The following ZAN variants were observed in gnomAD, a reference collection of about 807,000 sequenced individuals.
ZAN encodes zonadhesin, also known as zonadhesin (gene/pseudogene).
Under a neutral mutation model 286.2 loss-of-function variants are expected in ZAN, and 260 were observed. The observed-to-expected ratio is 0.91, with a 90% CI of 0.82 to 1.01. ZAN has a LOEUF of 1.01. Among genes scored for constraint, ZAN ranks in the 50% least tolerant of loss-of-function variants. The pLI is 0.00. For missense variants in ZAN, 3,410 were observed against 3,639.2 expected (o/e 0.94, Z 1.62); for synonymous variants, 1,368 against 1,417.5 (o/e 0.97, Z 0.79).
rs1370316254 is a variant in ZAN at position 100,751,192 on chromosome 7, A to G, written c.1532A>G (p.Lys511Arg). The change falls in exon 13 of 48, where the codon AAG (lysine) becomes AGG (arginine). Residue 511 changes from lysine to arginine, a missense_variant. Coordinates refer to ENST00000613979, the MANE Select transcript of ZAN (RefSeq NM_003386.3). The stretch of plus-strand genomic sequence containing the variant: ...CCTTGTCGCCTTTAGCTTATTTTCA[A>G]GGGCATCCAGGGAAGCAACACGGCC... ...GHQQPMQLIFKGIQGSNTASV... is the reference protein window; with the variant it reads ...GHQQPMQLIFRGIQGSNTASV... 1.2e-6 allele frequency: 2 copies of G among 1,606,182 alleles called. No homozygotes were observed. The highest frequency in any genetic ancestry group is 2.2e-5 in the South Asian group (2 of 89,818).
intron 7 of ZAN, among the ~76,000 whole-genome samples, chr7:100,740,555 G>A (rs1584546661): frequency 5.7e-5 from 2 of 34,892 alleles, no homozygotes; most frequent in African/African-American, 1.4e-4. Context: ...ATCTTGCACC[G>A]CCCTTAATCC....
chr7:100,755,107 C>G, intron 14 of ZAN, 119 bp from the exon 15 acceptor site: 1 of 1,250,056 alleles, frequency 8.0e-7, no homozygotes, highest in East Asian at 2.4e-5. Flanking sequence ...CTTTTTATGG[C>G]TAAATAATAT....
intron 36 of ZAN, 136 bp downstream of exon 36, chr7:100,784,970 A>G: frequency 9.9e-7 from 1 of 1,014,954 alleles, no homozygotes; most frequent in Non-Finnish European, 1.4e-6. Flanking sequence ...TGTGAGTGGC[A>G]CATTGATCTC....
chr7:100,736,866 TG>T lies in ZAN; in HGVS notation c.312del (p.Leu105SerfsTer72). On this transcript the variant is annotated frameshift_variant, in exon 5 of 48. Transcript: ENST00000613979. LOFTEE classifies it high-confidence loss of function. ...TTCCACCGTGGGGGAGTGGCCCGCC[TG>T]CTCAGCCCCGACCTATGGGAGCAAG... Reference protein sequence around the residue: ...NSFHRGGVARLLSPDLWEQGP... With the variant: ...NSFHRGGVARXLSPDLWEQGP... 1 of 1,485,434 alleles carries T rather than the reference TG, an allele frequency of 6.7e-7. No homozygotes were observed. Among genetic ancestry groups the T allele is most frequent in the Non-Finnish European group, 9.2e-7 (1 of 1,088,446 alleles). 92.0% of individuals were successfully genotyped at this position (1,485,434 alleles called of 1,614,324 possible).
intron 3 of ZAN, 125 bp from the exon 4 acceptor site, chr7:100,736,358 C>G: frequency 8.7e-7 from 1 of 1,150,114 alleles, no homozygotes; most frequent in Non-Finnish European, 1.3e-6. Flanking sequence ...TGTGCGCCAC[C>G]ACACCCGGCT....
rs771139999 is a variant in ZAN, at chr7:100,750,652, ACGAGTTCT to A, written c.1279_1286del (p.Glu427ProfsTer18). 6.2e-7 allele frequency: 1 copy of A among 1,613,418 alleles called. No homozygotes were observed. Among genetic ancestry groups the A allele is most frequent in the Admixed American group, 1.7e-5 (1 of 59,914 alleles). On this transcript the variant is annotated frameshift_variant, in exon 12 of 48. Transcript: ENST00000613979. LOFTEE classifies it high-confidence loss of function. ...GGTCACTATATCTACCTTGAGGCTGACGAGTTCTCCCAGGCAGGCCAGTCAGTCAGACT... is the reference window on the plus strand; with the variant it reads ...GGTCACTATATCTACCTTGAGGCTGACCCAGGCAGGCCAGTCAGTCAGACT...
Position 100,735,689 on chromosome 7 carries a change from G to T in ZAN, c.54-31G>T, listed in dbSNP as rs780646568. 2.1e-6 allele frequency: 3 copies of T among 1,455,980 alleles called. 1 individual carries two copies. In the South Asian group the frequency reaches 3.5e-5, roughly 17 times the overall value. The allele number at this position is 1,455,980 out of a possible 1,614,324, so 90.2% of individuals were successfully genotyped here. A position where few individuals can be genotyped will look rare whatever the true frequency, so the allele number is the denominator to read the frequency against. On this transcript the variant is annotated intron_variant, in intron 2 of 47. Coordinates refer to ENST00000613979, the MANE Select transcript of ZAN (RefSeq NM_003386.3). ...ATAATTCTTGATAATGACACGAGTT[G>T]CATTTTTGCTTTCTTCAAACGACCC...
At chr7:100,776,802 G>A (rs1454600609) in intron 34 of ZAN, among the ~76,000 whole-genome samples, 2 of 117,910 alleles carry the variant, frequency 1.7e-5, no homozygotes, top group Non-Finnish European at 3.3e-5. Context: ...GCGCAATCTC[G>A]GCTCACTGCA....
intron 31 of ZAN, among the ~76,000 whole-genome samples, chr7:100,774,920 TTTTGTTTG>T (rs35120086): frequency 8.3e-6 from 1 of 120,606 alleles, no homozygotes. Flanking sequence ...CCCTGGGGTT[TTTTGTTTG>T]TTTGTTTGTT....
chr7:100,772,859 G>GTTTT (rs34950036), intron 29 of ZAN, among the ~76,000 whole-genome samples: 5 of 130,542 alleles, frequency 3.8e-5, no homozygotes, highest in African/African-American at 1.4e-4. Flanking sequence ...TTTTATGTCT[G>GTTTT]TTTTTTTTTT....
Position 100,775,744 on chromosome 7 carries a change from A to G in ZAN, c.6103A>G (p.Ser2035Gly), listed in dbSNP as rs1485631118. ...GVSVKSSSIY[S>G]IVNIKIGVQV... ...CAGTGTCAAGTCCAGCAGCATCTAC[A>G]GCATTGTTAACATCAAGATCGGGGT... The change falls in exon 33 of 48, where the codon AGC becomes GGC. Residue 2035 changes from serine (S) to glycine (G), a missense_variant. Transcript: ENST00000613979. 2 of 1,613,940 alleles carry G rather than the reference A, an allele frequency of 1.2e-6. No individual in the cohort carries two copies. Among genetic ancestry groups the G allele is most frequent in the Admixed American group, 3.3e-5 (2 of 60,008 alleles).
chr7:100,784,799 T>C lies in ZAN; in HGVS notation c.6799T>C (p.Cys2267Arg). ...SEDKCVPRSQ[C>R]GCKDAHGGSI... The stretch of plus-strand genomic sequence containing the variant: ...AGACAAGTGTGTCCCCAGAAGTCAG[T>C]GTGGCTGCAAGGATGCCCATGGTGG... The change falls in exon 36 of 48, where the codon TGT becomes CGT. Residue 2267 changes from cysteine to arginine, a missense_variant. Physicochemically the swap from Cys to Arg is radical, Grantham distance 180. Around this residue, in one of 7 missense-constraint regions of ZAN, gnomAD observed 1,289 missense variants for 1,314.3 expected, o/e 0.98. Coordinates refer to ENST00000613979, the MANE Select transcript of ZAN (RefSeq NM_003386.3). The C allele has an allele frequency of 1.9e-6, 3 of 1,609,060 alleles. No homozygotes were observed. The highest frequency in any genetic ancestry group is 2.2e-5 in the South Asian group (2 of 90,706).
At chr7:100,755,490 T>C in intron 15 of ZAN, 80 bp downstream of exon 15, 1 of 1,527,834 alleles carries the variant, frequency 6.5e-7, no homozygotes, top group East Asian at 2.3e-5. Flanking sequence ...CTGCTCCCCA[T>C]GTGAAGGCAA....
At chr7:100,774,286 C>T (rs760620325) in intron 31 of ZAN, among the ~76,000 whole-genome samples, 72 of 152,170 alleles carry the variant, frequency 4.7e-4, no homozygotes, top group Non-Finnish European at 6.8e-4. Flanking sequence ...AGGAGAATTG[C>T]TTGAACCCAG....
Position 100,751,223 on chromosome 7 carries a change from G to C in ZAN, c.1563G>C (p.Val521=), listed in dbSNP as rs772394895. Residue 521 remains valine (V), a synonymous_variant, in exon 13 of 48, where the codon GTG becomes GTC. Coordinates refer to ENST00000613979, the MANE Select transcript of ZAN (RefSeq NM_003386.3). ...TCCAGGGAAGCAACACGGCCTCTGTGGTTGCTATGGGTTTCATCTTGATCA... is the reference window on the plus strand; with the variant it reads ...TCCAGGGAAGCAACACGGCCTCTGTCGTTGCTATGGGTTTCATCTTGATCA... ...KGIQGSNTAS[V]VAMGFILINP... is the part of the protein sequence containing the mutation. 3.7e-6 allele frequency: 6 copies of C among 1,609,418 alleles called. No homozygotes were observed. The highest frequency in any genetic ancestry group is 5.1e-6 in the Non-Finnish European group (6 of 1,178,164).
chr7:100,767,734 T>A (rs996783696), intron 25 of ZAN, 97 bp from the exon 26 acceptor site: 15 of 1,395,462 alleles, frequency 1.1e-5, no homozygotes, highest in Non-Finnish European at 1.2e-5. Context: ...CGCCTCGGCC[T>A]CCCAAAGTGC....
chr7:100,759,321 G>A (rs978927520), intron 17 of ZAN, among the ~76,000 whole-genome samples: 3 of 152,088 alleles, frequency 2.0e-5, no homozygotes, highest in African/African-American at 4.8e-5. Context: ...CAGGAGGATC[G>A]CTTGAGCCCA....
intron 45 of ZAN, among the ~76,000 whole-genome samples, chr7:100,796,574 G>A (rs1480064784): frequency 6.6e-6 from 1 of 151,796 alleles, no homozygotes; most frequent in Non-Finnish European, 1.5e-5. Flanking sequence ...CGGCCACCAC[G>A]CCCGGCTATT....
At chr7:100,770,610 G>T (rs1405291101) in intron 28 of ZAN, among the ~76,000 whole-genome samples, 2 of 151,318 alleles carry the variant, frequency 1.3e-5, no homozygotes, top group Admixed American at 6.6e-5. Flanking sequence ...GGCCTCCCAA[G>T]TAGTTGGGAT....
Sources: gnomAD v4.1 joint callset for allele counts (sites outside exome capture counted in the v4.1 genomes callset) on GRCh38, gnomAD v4.1.1 for gene constraint, gnomAD v4.1.1 regional missense constraint, MANE v1.5 for transcripts, NCBI Gene and HGNC (gene_info 2026-07-23, HGNC 2026-07-21) for gene names.